Variants in SORCS2 observed in about 807,000 individuals in gnomAD.
SORCS2 encodes VPS10 domain-containing receptor SorCS2.
A neutral mutation model predicts 141.6 loss-of-function variants in SORCS2; 100 were observed. The observed-to-expected ratio is 0.71, with a 90% CI of 0.60 to 0.83. The LOEUF is 0.83. Among genes scored for constraint, SORCS2 ranks in the 40% least tolerant of loss-of-function variants. SORCS2 has a pLI of 0.00. For missense variants in SORCS2, 1,646 were observed against 1,560.2 expected (o/e 1.05, Z -0.93); for synonymous variants, 789 against 676.9 (o/e 1.17, Z -2.57).
chr4:7,349,096 C>T lies in SORCS2; in HGVS notation c.481-47192C>T, dbSNP rs1167218638. Among the ~76,000 whole-genome samples the T allele has an allele frequency of 2.0e-5, 3 of 152,306 alleles. No homozygotes were observed. In the East Asian group the frequency reaches 5.8e-4, roughly 30 times the overall value. ...TTGCACACCTACCTCTTATGCCAGT[C>T]ACTGAGCTTGGTGCTTGCAGTATGT... On this transcript the variant is annotated intron_variant, in intron 1 of 26. Transcript: ENST00000507866.
chr4:7,484,969 T>C (rs1391608908), intron 2 of SORCS2, among the ~76,000 whole-genome samples: 2 of 21,140 alleles, frequency 9.5e-5, no homozygotes, highest in Non-Finnish European at 2.5e-4. Flanking sequence ...CGTTGCCTGC[T>C]GTCCCGGCCC....
chr4:7,542,440 G>A lies in SORCS2; in HGVS notation c.648+10811G>A, dbSNP rs573759716. Reference sequence around the variant, plus strand: ...GACTCAGAGACAGACAAGACAGAGGGCAGGTGACACGAAGACATATGGGGA... The same window carrying A: ...GACTCAGAGACAGACAAGACAGAGGACAGGTGACACGAAGACATATGGGGA... On this transcript the variant is annotated intron_variant, in intron 3 of 26. Transcript: ENST00000507866. 6.6e-5 allele frequency among the ~76,000 whole-genome samples: 10 copies of A among 152,272 alleles called. No individual in the cohort carries two copies. In the South Asian group the frequency reaches 2.1e-3, roughly 32 times the overall value.
chr4:7,740,553 G>A lies in SORCS2; in HGVS notation c.*289G>A. ...CCCACACACGGCCGCCCCACGTGCT[G>A]TCGCTCAGCCCGAGGCCTGACTTCT... On this transcript the variant is annotated 3_prime_UTR_variant, in exon 27 of 27. Transcript: ENST00000507866. 1 of 483,598 alleles carries A rather than the reference G, an allele frequency of 2.1e-6. No individual in the cohort carries two copies. Among genetic ancestry groups the A allele is most frequent in the Admixed American group, 3.2e-5 (1 of 30,960 alleles). The allele number at this position is 483,598 out of a possible 1,614,324, so 30.0% of individuals were successfully genotyped here. A position where few individuals can be genotyped will look rare whatever the true frequency, so the allele number is the denominator to read the frequency against.
intron 1 of SORCS2, among the ~76,000 whole-genome samples, chr4:7,288,393 C>A (rs1473077248): frequency 2.0e-5 from 3 of 151,946 alleles, no homozygotes; most frequent in Non-Finnish European, 4.4e-5. Context: ...TCAACTGGGG[C>A]TGCTGTAAGG....
chr4:7,549,724 G>C (rs368026204), intron 3 of SORCS2, among the ~76,000 whole-genome samples: 1 of 152,200 alleles, frequency 6.6e-6, no homozygotes, highest in South Asian at 2.1e-4. Flanking sequence ...AGCCCGCTGC[G>C]CACACACAGA....
chr4:7,337,231 A>G (rs926405560), intron 1 of SORCS2, among the ~76,000 whole-genome samples: 15 of 152,304 alleles, frequency 9.8e-5, no homozygotes, highest in African/African-American at 3.4e-4. Context: ...CGATTAGTCA[A>G]ACACCTACTG....
intron 21 of SORCS2, among the ~76,000 whole-genome samples, chr4:7,727,522 C>T (rs550261846): frequency 6.6e-6 from 1 of 152,228 alleles, no homozygotes; most frequent in East Asian, 1.9e-4. Context: ...CTACTGTGGA[C>T]AGCAGCCATC....
chr4:7,714,414 T>C, intron 16 of SORCS2, 41 bp downstream of exon 16: 1 of 1,536,804 alleles, frequency 6.5e-7, no homozygotes. Context: ...CAGGCGCTGC[T>C]TGAGCATCCT....
At chr4:7,707,393 G>A (rs1215787682) in intron 14 of SORCS2, among the ~76,000 whole-genome samples, 3 of 152,202 alleles carry the variant, frequency 2.0e-5, no homozygotes, top group South Asian at 2.1e-4. Context: ...ATCAGTTCCA[G>A]CTGAGCCAGG....
At chr4:7,510,603 G>A (rs984684442) in intron 2 of SORCS2, among the ~76,000 whole-genome samples, 33 of 148,360 alleles carry the variant, frequency 2.2e-4, no homozygotes, top group Non-Finnish European at 3.8e-4. Flanking sequence ...TTCTGTGCGC[G>A]GCATGTCCAG....
rs1464845200 is a variant in SORCS2 at position 7,201,179 on chromosome 4, C to T, written c.480+8053C>T. 2.0e-5 allele frequency among the ~76,000 whole-genome samples: 3 copies of T among 152,120 alleles called. No homozygotes were observed. The highest frequency in any genetic ancestry group is 4.4e-5 in the Non-Finnish European group (3 of 68,028). On this transcript the variant is annotated intron_variant, in intron 1 of 26. Transcript: ENST00000507866. This position sits in a 1 kb window ranked among gnomAD's most constrained non-coding sequence, Gnocchi z 4.4. The stretch of plus-strand genomic sequence containing the variant: ...TCTGCAGGATGAGTAGAGTCCCGGG[C>T]TGAGGAGGAGGTTGGAATGGTGAGA...
chr4:7,382,222 T>C (rs1426013874), intron 1 of SORCS2, among the ~76,000 whole-genome samples: 1 of 152,134 alleles, frequency 6.6e-6, no homozygotes, highest in Non-Finnish European at 1.5e-5. Context: ...AATGGGGGTC[T>C]TGGTCTCCAA....
At chr4:7,279,521 T>G (rs1241565413) in intron 1 of SORCS2, among the ~76,000 whole-genome samples, 3 of 152,196 alleles carry the variant, frequency 2.0e-5, no homozygotes, top group Non-Finnish European at 2.9e-5. Flanking sequence ...CGGCTCAAAA[T>G]GCAGTTTGAT....
rs1560112822 is a variant in SORCS2 at position 7,724,118 on chromosome 4, G to GTGGTGGTGGTGGTGGTGGTGA, written c.2611+255_2611+256insATGGTGGTGGTGGTGGTGGTG. On this transcript the variant is annotated intron_variant, in intron 19 of 26. Coordinates refer to ENST00000507866, the MANE Select transcript of SORCS2 (RefSeq NM_020777.3). ...GATATTGATGATAGTGGTGGTGATGGTGGTGGTGGTGGTGGTGGTGGTGAT... is the reference window on the plus strand; with the variant it reads ...GATATTGATGATAGTGGTGGTGATGGTGGTGGTGGTGGTGGTGGTGATGGTGGTGGTGGTGGTGGTGGTGAT... 1.5e-4 allele frequency among the ~76,000 whole-genome samples: 13 copies of GTGGTGGTGGTGGTGGTGGTGA among 87,444 alleles called. No homozygotes were observed. The East Asian group carries it at 1.9e-3, about 12-fold the overall frequency. 57.4% of individuals were successfully genotyped at this position (87,444 alleles called of 152,430 possible). A position where few individuals can be genotyped will look rare whatever the true frequency, so the allele number is the denominator to read the frequency against.
intron 1 of SORCS2, among the ~76,000 whole-genome samples, chr4:7,359,889 G>A (rs1202827747): frequency 1.3e-5 from 2 of 152,174 alleles, no homozygotes; most frequent in Non-Finnish European, 2.9e-5. Context: ...AGGGACAAGT[G>A]AGGAGGGCAG....
At chr4:7,642,847 G>A (rs771968267) in intron 4 of SORCS2, among the ~76,000 whole-genome samples, 8 of 152,172 alleles carry the variant, frequency 5.3e-5, no homozygotes, top group Non-Finnish European at 7.3e-5. Flanking sequence ...CTCATGATGA[G>A]GGGGCAGAGG....
intron 1 of SORCS2, among the ~76,000 whole-genome samples, chr4:7,366,519 C>CTCCCT (rs1214469543): frequency 4.4e-4 from 66 of 151,046 alleles, no homozygotes; most frequent in African/African-American, 1.5e-3. Context: ...CCCCTCCTCC[C>CTCCCT]TCCCTTCCCT....
chr4:7,717,630 C>G (rs1726282457), intron 17 of SORCS2, among the ~76,000 whole-genome samples: 1 of 152,222 alleles, frequency 6.6e-6, no homozygotes, highest in South Asian at 2.1e-4. Flanking sequence ...CCCAGGCCCT[C>G]TTGGGCACTC....
chr4:7,458,063 G>A (rs1473901055), intron 2 of SORCS2, among the ~76,000 whole-genome samples: 8 of 152,230 alleles, frequency 5.3e-5, no homozygotes, highest in African/African-American at 1.9e-4. Context: ...TTGAGTGGGT[G>A]CCCAACTCCC....
Sources: allele counts gnomAD v4.1 joint callset (sites outside exome capture counted in the v4.1 genomes callset), GRCh38; gene constraint gnomAD v4.1.1; non-coding constraint Gnocchi (gnomAD v3.1); transcripts MANE v1.5; gene names NCBI Gene and HGNC (gene_info 2026-07-23, HGNC 2026-07-21).